COL11A1: variants seen among roughly 807,000 people sequenced by gnomAD.
COL11A1 encodes collagen type XI alpha 1 chain.
A neutral mutation model predicts 265.2 loss-of-function variants in COL11A1; 74 were observed. That is an observed-to-expected ratio of 0.28 (90% CI 0.23 to 0.34). COL11A1 has a LOEUF of 0.34. Ranked by LOEUF, COL11A1 falls within the 10% of genes least tolerant of loss-of-function variation. The probability of loss-of-function intolerance (pLI) is 1.00; values close to 1 mark genes in which losing one functional copy is unlikely to be tolerated. For synonymous variants in COL11A1, 816 were observed against 727.6 expected (o/e 1.12, Z -1.96); for missense variants, 2,165 against 2,263.6 (o/e 0.96, Z 0.88).
intron 54 of COL11A1, among the ~76,000 whole-genome samples, chr1:102,910,171 G>T (rs1032464842): frequency 9.2e-5 from 14 of 151,628 alleles, no homozygotes; most frequent in Non-Finnish European, 1.6e-4. Flanking sequence ...TTTTATGTTT[G>T]CATTAATACT....
chr1:102,936,411 T>C (rs1658150464), intron 44 of COL11A1, among the ~76,000 whole-genome samples: 1 of 152,152 alleles, frequency 6.6e-6, no homozygotes, highest in African/African-American at 2.4e-5. Flanking sequence ...AATAATCAGT[T>C]ATAAATAATA....
intron 35 of COL11A1, among the ~76,000 whole-genome samples, chr1:102,976,511 C>A (rs1662508996): frequency 6.6e-6 from 1 of 151,896 alleles, no homozygotes; most frequent in Admixed American, 6.6e-5. Context: ...GTTGGCCAGG[C>A]TGGTCTCGAA....
At chr1:103,025,481 A>C in intron 7 of COL11A1, 40 bp downstream of exon 7, 1 of 1,339,494 alleles carries the variant, frequency 7.5e-7, no homozygotes, top group Non-Finnish European at 1.1e-6. Flanking sequence ...TACATATTTA[A>C]AAAGTGGGAC....
chr1:102,990,632 A>T (rs1664039062), intron 28 of COL11A1, among the ~76,000 whole-genome samples: 2 of 152,170 alleles, frequency 1.3e-5, no homozygotes, highest in African/African-American at 4.8e-5. Flanking sequence ...CAAGAAAAAA[A>T]AATTAAATTA....
intron 1 of COL11A1, among the ~76,000 whole-genome samples, chr1:103,107,235 G>C (rs930728280): frequency 7.9e-5 from 12 of 151,962 alleles, no homozygotes; most frequent in African/African-American, 2.7e-4. Context: ...GTGCCACGTA[G>C]GAACTGTTCC....
chr1:103,042,608 T>C (rs1468388495), intron 4 of COL11A1, among the ~76,000 whole-genome samples: 1 of 152,056 alleles, frequency 6.6e-6, no homozygotes, highest in East Asian at 1.9e-4. Flanking sequence ...AAGGTTGGCA[T>C]TGTTTACCCC....
chr1:102,943,918 A>C (rs999733193), intron 42 of COL11A1, among the ~76,000 whole-genome samples: 8 of 152,122 alleles, frequency 5.3e-5, no homozygotes, highest in African/African-American at 1.9e-4. Context: ...TTTCATTAGA[A>C]TCAGTTTCCC....
intron 31 of COL11A1, among the ~76,000 whole-genome samples, chr1:102,980,028 T>A (rs905863690): frequency 6.6e-6 from 1 of 152,144 alleles, no homozygotes; most frequent in Non-Finnish European, 1.5e-5. Context: ...ACTCTGTTTT[T>A]TAGAATTCTG....
intron 4 of COL11A1, among the ~76,000 whole-genome samples, chr1:103,049,093 G>A (rs1241029275): frequency 6.6e-6 from 1 of 152,154 alleles, no homozygotes; most frequent in Non-Finnish European, 1.5e-5. Context: ...GGGGTGGAGA[G>A]TTCTGCAGAT....
At chr1:103,051,074 C>A (rs906219023) in intron 4 of COL11A1, among the ~76,000 whole-genome samples, 1 of 152,220 alleles carries the variant, frequency 6.6e-6, no homozygotes, top group South Asian at 2.1e-4. Context: ...AGGCAGTCTG[C>A]CCATTCTCAG....
chr1:103,098,956 T>G (rs193050178), intron 1 of COL11A1, among the ~76,000 whole-genome samples: 4 of 151,768 alleles, frequency 2.6e-5, no homozygotes, highest in Non-Finnish European at 5.9e-5. Context: ...TCAAGATACT[T>G]CCATAGACAT....
intron 46 of COL11A1, among the ~76,000 whole-genome samples, chr1:102,932,349 T>C (rs1000378740): frequency 1.3e-5 from 2 of 152,212 alleles, no homozygotes; most frequent in African/African-American, 4.8e-5. Flanking sequence ...CCTTCACTTA[T>C]GAAGGTTAGT....
At chr1:102,984,253 ATTTCAATTTTT>A in intron 30 of COL11A1, 62 bp from the exon 31 acceptor site, 1 of 1,125,974 alleles carries the variant, frequency 8.9e-7, no homozygotes, top group East Asian at 2.6e-5. Context: ...TTAAATAATG[ATTTCAATTTTT>A]TTTAAATATT....
chr1:103,074,506 A>T, intron 4 of COL11A1, 112 bp downstream of exon 4: 1 of 1,185,770 alleles, frequency 8.4e-7, no homozygotes, highest in Non-Finnish European at 1.2e-6. Flanking sequence ...GTCACCCTTT[A>T]GAGTTTTCAA....
intron 41 of COL11A1, among the ~76,000 whole-genome samples, chr1:102,959,070 T>C (rs766629990): frequency 6.6e-6 from 1 of 152,214 alleles, no homozygotes; most frequent in Non-Finnish European, 1.5e-5. Flanking sequence ...ATCGGCTCAC[T>C]CCAATGTTGA....
At chr1:102,890,601 A>G (rs113464509) in intron 57 of COL11A1, 97 bp from the exon 58 acceptor site, 11 of 1,007,188 alleles carry the variant, frequency 1.1e-5, no homozygotes, top group African/African-American at 6.7e-5. Flanking sequence ...AGTTTTGAAA[A>G]TACGGAGTTG....
chr1:102,888,551 C>T lies in COL11A1; in HGVS notation c.4608+26G>A, dbSNP rs1289944782. 6.9e-6 allele frequency: 11 copies of T among 1,603,050 alleles called. No homozygotes were observed. In the Admixed American group the frequency reaches 1.5e-4, roughly 22 times the overall value. On this transcript the variant is annotated intron_variant, in intron 62 of 66. Coordinates refer to ENST00000370096, the MANE Select transcript of COL11A1 (RefSeq NM_001854.4). ...AGCTTCCAGATGCAAACTGTCAGAA[C>T]ATCACTCTTGTTAACATATACTTAC...
intron 54 of COL11A1, among the ~76,000 whole-genome samples, chr1:102,904,076 T>C (rs976479632): frequency 6.6e-6 from 1 of 152,172 alleles, no homozygotes; most frequent in Non-Finnish European, 1.5e-5. Context: ...TTGCCCAGGC[T>C]GATCTCCTAC....
At chr1:102,967,301 C>G (rs1361380756) in intron 37 of COL11A1, among the ~76,000 whole-genome samples, 1 of 115,854 alleles carries the variant, frequency 8.6e-6, no homozygotes, top group Admixed American at 1.2e-4. Context: ...AGTGCAGTGG[C>G]GCGATCTCGG....
Sources: gnomAD v4.1 joint callset for allele counts (sites outside exome capture counted in the v4.1 genomes callset) on GRCh38, gnomAD v4.1.1 for gene constraint, MANE v1.5 for transcripts, NCBI Gene and HGNC (gene_info 2026-07-23, HGNC 2026-07-21) for gene names.